Variants in TTBK2 observed in about 807,000 individuals in gnomAD.
The protein encoded by TTBK2 is tau tubulin kinase 2.
In TTBK2, 28 loss-of-function variants were observed where a neutral mutation model predicts 110.8. The observed-to-expected ratio is 0.25, with a 90% CI of 0.19 to 0.35. TTBK2 has a LOEUF of 0.35. Among genes scored for constraint, TTBK2 ranks in the 10% least tolerant of loss-of-function variants. TTBK2 has a pLI of 1.00. For synonymous variants in TTBK2, 532 were observed against 527.3 expected (o/e 1.01, Z -0.12); for missense variants, 1,369 against 1,500.3 (o/e 0.91, Z 1.45).
At chr15:42,816,632 A>G (rs2140946152) in intron 7 of TTBK2, among the ~76,000 whole-genome samples, 1 of 152,266 alleles carries the variant, frequency 6.6e-6, no homozygotes, top group South Asian at 2.1e-4. Flanking sequence ...TCAACTCTCA[A>G]GCACTTTCCA....
chr15:42,866,809 T>G (rs552804314), intron 3 of TTBK2, among the ~76,000 whole-genome samples: 93 of 152,306 alleles, frequency 6.1e-4, no homozygotes, highest in African/African-American at 2.2e-3. Context: ...AATGCACTTC[T>G]AAATAACACA....
At chr15:42,891,454 A>C (rs1895452599) in intron 1 of TTBK2, among the ~76,000 whole-genome samples, 1 of 151,832 alleles carries the variant, frequency 6.6e-6, no homozygotes, top group Admixed American at 6.6e-5. Flanking sequence ...GATTACAGGC[A>C]TGAGCCACTG....
rs965504390 is a variant in TTBK2, at chr15:42,811,790, C to G, written c.604-10G>C. The stretch of plus-strand genomic sequence containing the variant: ...CATGTCTTCCCATTTCCTTCATAAA[C>G]AAAACAGAATCCAGTCACATAACAT... On this transcript the variant is annotated splice_polypyrimidine_tract_variant and intron_variant, in intron 7 of 14. Coordinates refer to ENST00000267890, the MANE Select transcript of TTBK2 (RefSeq NM_173500.4). 1 of 1,610,646 alleles carries G rather than the reference C, an allele frequency of 6.2e-7. No individual in the cohort carries two copies.
chr15:42,827,103 C>T (rs958322587), intron 6 of TTBK2, among the ~76,000 whole-genome samples: 2 of 152,050 alleles, frequency 1.3e-5, no homozygotes, highest in Non-Finnish European at 2.9e-5. Flanking sequence ...TGGATGTGGC[C>T]AAGGAAAGAG....
intron 3 of TTBK2, among the ~76,000 whole-genome samples, chr15:42,861,479 T>C (rs1894155191): frequency 6.6e-6 from 1 of 152,092 alleles, no homozygotes; most frequent in Non-Finnish European, 1.5e-5. Context: ...GAAGTTAACC[T>C]AGTCCTGAAT....
chr15:42,836,544 C>A (rs184668814), intron 4 of TTBK2, among the ~76,000 whole-genome samples: 84 of 152,182 alleles, frequency 5.5e-4, no homozygotes, highest in Admixed American at 5.0e-3. Flanking sequence ...GCATGCAATT[C>A]AAATGGAAAA....
intron 6 of TTBK2, among the ~76,000 whole-genome samples, chr15:42,819,735 T>C (rs865873119): frequency 1.3e-5 from 2 of 152,248 alleles, no homozygotes; most frequent in Non-Finnish European, 1.5e-5. Flanking sequence ...TGGAGAGTTC[T>C]CTTTTTAGAA....
chr15:42,851,227 G>A (rs530177871), intron 3 of TTBK2, among the ~76,000 whole-genome samples: 9 of 147,380 alleles, frequency 6.1e-5, no homozygotes, highest in East Asian at 4.0e-4. Flanking sequence ...CAGCCTCGGC[G>A]ACAGAGCAAA....
intron 1 of TTBK2, among the ~76,000 whole-genome samples, chr15:42,896,971 C>G (rs1343104609): frequency 6.6e-6 from 1 of 151,806 alleles, no homozygotes; most frequent in African/African-American, 2.4e-5. Context: ...CTCCACCTCC[C>G]GAGTTCAAGC....
chr15:42,821,135 T>A (rs1892278374), intron 6 of TTBK2, among the ~76,000 whole-genome samples: 1 of 152,184 alleles, frequency 6.6e-6, no homozygotes, highest in African/African-American at 2.4e-5. Flanking sequence ...GTATAGAATG[T>A]ATATCATGCT....
At chr15:42,888,051 G>C (rs1895314063) in intron 1 of TTBK2, among the ~76,000 whole-genome samples, 1 of 152,050 alleles carries the variant, frequency 6.6e-6, no homozygotes, top group Admixed American at 6.6e-5. Flanking sequence ...CAAGAGCCGG[G>C]ACTGCACCCT....
intron 14 of TTBK2, among the ~76,000 whole-genome samples, chr15:42,747,278 CAGAATTCTTAGAGTATTCATATGA>C (rs1289590371): frequency 1.3e-5 from 2 of 152,224 alleles, no homozygotes; most frequent in Admixed American, 6.5e-5. Flanking sequence ...CCTTGGGCCT[CAGAATTCTTAGAGTATTCATATGA>C]ATAGCAAATG....
chr15:42,807,526 C>T (rs1050490691), intron 9 of TTBK2, among the ~76,000 whole-genome samples: 6 of 152,150 alleles, frequency 3.9e-5, no homozygotes, highest in South Asian at 2.1e-4. Context: ...CTCCCATCTC[C>T]GTTTCCCAAG....
At chr15:42,882,630 T>C (rs115095423) in intron 1 of TTBK2, among the ~76,000 whole-genome samples, 1 of 151,668 alleles carries the variant, frequency 6.6e-6, no homozygotes, top group African/African-American at 2.4e-5. Context: ...ATAATAACAA[T>C]AATAATGATA....
At chr15:42,779,086 A>C (rs1567018928) in intron 11 of TTBK2, among the ~76,000 whole-genome samples, 1 of 152,240 alleles carries the variant, frequency 6.6e-6, no homozygotes, top group Non-Finnish European at 1.5e-5. Flanking sequence ...CAGTGACTGA[A>C]GCCAGAGGAA....
intron 1 of TTBK2, among the ~76,000 whole-genome samples, chr15:42,893,251 C>A (rs1895533618): frequency 6.6e-6 from 1 of 152,012 alleles, no homozygotes; most frequent in South Asian, 2.1e-4. Flanking sequence ...AATCCCAACA[C>A]TTTGGGAGGC....
rs1889879881 is a variant in TTBK2, at chr15:42,775,603, T to G, written c.1530A>C (p.Glu510Asp). Reference sequence around the variant, plus strand: ...CAGGCTTGGAGGCATCTGGAAGATATTCTTCATCATAGTGCCAGATGTGGT... The same window carrying G: ...CAGGCTTGGAGGCATCTGGAAGATAGTCTTCATCATAGTGCCAGATGTGGT... ...RTDHIWHYDE[E>D]YLPDASKPAS... The change falls in exon 13 of 15, where the codon GAA (glutamate) becomes GAC (aspartate). Residue 510 changes from glutamate to aspartate, a missense_variant. Coordinates refer to ENST00000267890, the MANE Select transcript of TTBK2 (RefSeq NM_173500.4). 6.2e-7 allele frequency: 1 copy of G among 1,613,996 alleles called. No homozygotes were observed. Among genetic ancestry groups the G allele is most frequent in the Non-Finnish European group, 8.5e-7 (1 of 1,180,000 alleles).
At chr15:42,879,369 G>A (rs1340686019) in intron 1 of TTBK2, among the ~76,000 whole-genome samples, 3 of 152,052 alleles carry the variant, frequency 2.0e-5, no homozygotes, top group African/African-American at 7.3e-5. Context: ...TGTAGAAAAA[G>A]GAGATAAATG....
At chr15:42,901,354 T>A (rs2029995628) in intron 1 of TTBK2, among the ~76,000 whole-genome samples, 1 of 150,628 alleles carries the variant, frequency 6.6e-6, no homozygotes, top group South Asian at 2.1e-4. Flanking sequence ...AGAGCAAGAC[T>A]CCGTCTTGAA....
Sources: gnomAD v4.1 joint callset for allele counts (sites outside exome capture counted in the v4.1 genomes callset) on GRCh38, gnomAD v4.1.1 for gene constraint, MANE v1.5 for transcripts, NCBI Gene and HGNC (gene_info 2026-07-23, HGNC 2026-07-21) for gene names.